Variants in RGS6 observed in about 807,000 individuals in gnomAD.
RGS6 encodes regulator of G-protein signaling 6.
Under a neutral mutation model 78.5 loss-of-function variants are expected in RGS6, and 30 were observed. The ratio of observed to expected loss-of-function variants is 0.38; its 90% CI spans 0.29 to 0.52. The LOEUF is 0.52. RGS6 is among the 20% of genes least tolerant of loss of function. The pLI is 0.85. For missense variants in RGS6, 495 were observed against 609.7 expected (o/e 0.81, Z 1.98); for synonymous variants, 206 against 206.0 (o/e 1.00, Z 0.00).
intron 17 of RGS6, 157 bp downstream of exon 17, chr14:72,540,251 G>A (rs1235291290): frequency 1.6e-5 from 25 of 1,540,252 alleles, no homozygotes; most frequent in African/African-American, 8.4e-5. Context: ...TTTTGCGAGT[G>A]TCTGCAGCTT....
At chr14:72,579,194 T>A in the RGS6 span, among the ~76,000 whole-genome samples, 3 of 151,220 alleles carry the variant, frequency 2.0e-5, no homozygotes, top group Admixed American at 6.6e-5. Flanking sequence ...AGGGATGACT[T>A]CAGTGTGACC....
the RGS6 span, among the ~76,000 whole-genome samples, chr14:72,596,568 G>A: frequency 1.3e-5 from 2 of 151,990 alleles, no homozygotes; most frequent in South Asian, 2.1e-4. Flanking sequence ...AATTTCAGTC[G>A]AGCAAAAAAA....
chr14:72,519,462 T>C (rs2097000186), intron 15 of RGS6, among the ~76,000 whole-genome samples: 1 of 152,244 alleles, frequency 6.6e-6, no homozygotes, highest in Non-Finnish European at 1.5e-5. Flanking sequence ...CATTATTATC[T>C]GATTTAGGAA....
At chr14:72,000,466 A>G (rs28417884) in intron 2 of RGS6, among the ~76,000 whole-genome samples, 5,820 of 152,266 alleles carry the variant, frequency 0.038, 367 homozygotes, top group African/African-American at 0.13. Flanking sequence ...GCGATTGGAA[A>G]TGTTGGCTTC....
Position 72,177,031 on chromosome 14 carries a change from G to A in RGS6, c.85-175064G>A, listed in dbSNP as rs150488870. 6.4e-3 allele frequency among the ~76,000 whole-genome samples: 973 copies of A among 151,982 alleles called. 12 individuals carry two copies. The highest frequency in any genetic ancestry group is 8.3e-3 in the Non-Finnish European group (564 of 67,980). On this transcript the variant is annotated intron_variant, in intron 2 of 17. Coordinates refer to ENST00000553525, the MANE Select transcript of RGS6 (RefSeq NM_001204424.2). ...CTGACTTTCTTCTCCTCAATATAAC[G>A]TTTATGAAATTTATCCAAGATTTTG...
intron 2 of RGS6, among the ~76,000 whole-genome samples, chr14:72,281,855 C>A (rs1028722693): frequency 6.6e-6 from 1 of 152,092 alleles, no homozygotes; most frequent in African/African-American, 2.4e-5. Flanking sequence ...GGAGCTAGAT[C>A]CTGCAAGTCC....
At chr14:71,872,308 T>G in the RGS6 span, among the ~76,000 whole-genome samples, 3 of 151,424 alleles carry the variant, frequency 2.0e-5, no homozygotes, top group Non-Finnish European at 4.4e-5. Context: ...CCCTCTTGCC[T>G]ATGGTACACA....
At chr14:72,390,871 T>C (rs1193119760) in intron 3 of RGS6, among the ~76,000 whole-genome samples, 3 of 151,862 alleles carry the variant, frequency 2.0e-5, no homozygotes, top group Non-Finnish European at 1.5e-5. Context: ...TTTTCTGGCT[T>C]TTATTCCAGG....
intron 3 of RGS6, among the ~76,000 whole-genome samples, chr14:72,400,681 G>T (rs1344904560): frequency 6.6e-6 from 1 of 152,168 alleles, no homozygotes; most frequent in African/African-American, 2.4e-5. Flanking sequence ...TTCTTTCTAT[G>T]CATATACATA....
rs112600209 is a variant in RGS6, at chr14:72,217,991, G to C, written c.85-134104G>C. On this transcript the variant is annotated intron_variant, in intron 2 of 17. Transcript: ENST00000553525. ...AAAACCCATTTAGGGCTAAATACTG[G>C]CACAGTAGTCCAGTATCATAAGGAA... Among the ~76,000 whole-genome samples, 1,144 of 152,110 alleles carry C rather than the reference G, an allele frequency of 7.5e-3. 9 individuals carry two copies. Among genetic ancestry groups the C allele is most frequent in the African/African-American group, 0.025 (1,055 of 41,506 alleles).
intron 2 of RGS6, among the ~76,000 whole-genome samples, chr14:72,247,396 A>T (rs2054501213): frequency 6.6e-6 from 1 of 152,204 alleles, no homozygotes; most frequent in South Asian, 2.1e-4. Flanking sequence ...AAACTTCATT[A>T]TCCTCTCATA....
chr14:72,509,160 T>C (rs2096847825), intron 13 of RGS6, among the ~76,000 whole-genome samples: 2 of 151,932 alleles, frequency 1.3e-5, no homozygotes, highest in Admixed American at 1.3e-4. Context: ...GTCAGGAGAT[T>C]GAGACCATCC....
chr14:72,180,137 A>G (rs1337870560), intron 2 of RGS6, among the ~76,000 whole-genome samples: 5 of 152,220 alleles, frequency 3.3e-5, no homozygotes. Context: ...TTTCTCTTCC[A>G]TTATTTGTAT....
intron 15 of RGS6, among the ~76,000 whole-genome samples, chr14:72,530,923 G>C (rs561988454): frequency 6.6e-6 from 1 of 152,156 alleles, no homozygotes; most frequent in African/African-American, 2.4e-5. Context: ...AATTCCAACC[G>C]GCATTTCAGT....
At chr14:72,197,387 A>T (rs1380343481) in intron 2 of RGS6, among the ~76,000 whole-genome samples, 1 of 152,064 alleles carries the variant, frequency 6.6e-6, no homozygotes, top group Non-Finnish European at 1.5e-5. Context: ...AGTTAAGTTC[A>T]TATACCCATG....
At chr14:72,179,438 A>C (rs1287066787) in intron 2 of RGS6, among the ~76,000 whole-genome samples, 2 of 152,206 alleles carry the variant, frequency 1.3e-5, no homozygotes, top group African/African-American at 4.8e-5. Flanking sequence ...AGTGTTTATT[A>C]AACTAACAGA....
intron 15 of RGS6, among the ~76,000 whole-genome samples, chr14:72,526,583 AG>A (rs1219085512): frequency 2.0e-5 from 3 of 151,990 alleles, no homozygotes; most frequent in Non-Finnish European, 4.4e-5. Flanking sequence ...GTAAAGGCAA[AG>A]GATCATTTAC....
intron 2 of RGS6, among the ~76,000 whole-genome samples, chr14:72,272,398 G>A (rs955870961): frequency 6.6e-6 from 1 of 152,230 alleles, no homozygotes; most frequent in Non-Finnish European, 1.5e-5. Flanking sequence ...ACTACTGAGT[G>A]TCAGTAGGCA....
At chr14:72,331,480 A>G (rs575094834) in intron 2 of RGS6, among the ~76,000 whole-genome samples, 4 of 152,244 alleles carry the variant, frequency 2.6e-5, no homozygotes, top group African/African-American at 4.8e-5. Context: ...AGTGGAGACA[A>G]TTGCCCCGGG....
Sources: gnomAD v4.1 joint callset for allele counts (sites outside exome capture counted in the v4.1 genomes callset) on GRCh38, gnomAD v4.1.1 for gene constraint, MANE v1.5 for transcripts, NCBI Gene and HGNC (gene_info 2026-07-23, HGNC 2026-07-21) for gene names.